PLD5: variants seen among roughly 807,000 people sequenced by gnomAD.
PLD5 encodes phospholipase D family member 5, also known as inactive phospholipase D5.
Under a neutral mutation model 61.1 loss-of-function variants are expected in PLD5, and 36 were observed. The ratio of observed to expected loss-of-function variants is 0.59; its 90% CI spans 0.45 to 0.78. PLD5 has a LOEUF of 0.78. PLD5 is among the 30% of genes least tolerant of loss of function. The pLI is 0.00. For missense variants in PLD5, 515 were observed against 644.4 expected (o/e 0.80, Z 2.17); for synonymous variants, 243 against 242.8 (o/e 1.00, Z -0.01).
At chr1:242,253,951 G>A (rs1462467940) in intron 4 of PLD5, among the ~76,000 whole-genome samples, 1 of 152,184 alleles carries the variant, frequency 6.6e-6, no homozygotes, top group African/African-American at 2.4e-5. Context: ...AACAGAGACG[G>A]AAAACACAGA....
chr1:242,090,110 C>A lies in PLD5; in HGVS notation c.1355G>T (p.Gly452Val). The stretch of plus-strand genomic sequence containing the variant: ...ATCATTCCCTACCCAATCAAAATTT[C>A]CTGCAAACAAACAAAGAAATAATGT... ...YMVTDGAAYI[G>V]NFDWVGNDFT... is the part of the protein sequence containing the mutation. The change falls in exon 10 of 10, where the codon GGA becomes GTA. Residue 452 changes from glycine (G) to valine (V), a missense_variant and splice_region_variant. Coordinates refer to ENST00000536534, the MANE Select transcript of PLD5 (RefSeq NM_001372062.1). 1.2e-6 allele frequency: 2 copies of A among 1,613,512 alleles called. No homozygotes were observed. Among genetic ancestry groups the A allele is most frequent in the Non-Finnish European group, 1.7e-6 (2 of 1,179,558 alleles).
chr1:242,341,120 A>G (rs1659807462), intron 2 of PLD5, among the ~76,000 whole-genome samples: 1 of 152,052 alleles, frequency 6.6e-6, no homozygotes, highest in Admixed American at 6.6e-5. Flanking sequence ...CCAAAAAGCA[A>G]GGCTGCTCTT....
chr1:242,210,039 C>T (rs1196110638), intron 5 of PLD5, among the ~76,000 whole-genome samples: 1 of 152,190 alleles, frequency 6.6e-6, no homozygotes, highest in Non-Finnish European at 1.5e-5. Context: ...AGGTGATCTG[C>T]CCGCCTCGGC....
intron 2 of PLD5, among the ~76,000 whole-genome samples, chr1:242,302,027 C>A (rs545696934): frequency 4.6e-5 from 7 of 152,290 alleles, no homozygotes; most frequent in African/African-American, 1.4e-4. Flanking sequence ...GTGATCCGCC[C>A]ACCTTGGTCT....
At chr1:242,332,970 G>A (rs779982557) in intron 2 of PLD5, among the ~76,000 whole-genome samples, 6 of 152,186 alleles carry the variant, frequency 3.9e-5, no homozygotes, top group Non-Finnish European at 5.9e-5. Context: ...TCTCCTGCAG[G>A]AGGGGTTGCC....
At chr1:242,340,316 G>A (rs1659756617) in intron 2 of PLD5, among the ~76,000 whole-genome samples, 1 of 152,000 alleles carries the variant, frequency 6.6e-6, no homozygotes, top group Non-Finnish European at 1.5e-5. Context: ...CAAATAAGGA[G>A]CCAAAACCAA....
chr1:242,449,770 G>A (rs1666705922), intron 1 of PLD5, among the ~76,000 whole-genome samples: 1 of 152,210 alleles, frequency 6.6e-6, no homozygotes, highest in African/African-American at 2.4e-5. Context: ...CCGTGCTGGT[G>A]TCCACACACC....
intron 3 of PLD5, among the ~76,000 whole-genome samples, chr1:242,273,903 G>A (rs765839910): frequency 2.0e-5 from 3 of 152,210 alleles, no homozygotes; most frequent in Non-Finnish European, 4.4e-5. Flanking sequence ...GGAGCTGGGA[G>A]AGCCGAGGAA....
chr1:242,287,405 T>C (rs930288617), intron 3 of PLD5, among the ~76,000 whole-genome samples: 4 of 152,244 alleles, frequency 2.6e-5, no homozygotes, highest in African/African-American at 7.2e-5. Context: ...TAAACTTTAG[T>C]AGAGATGGAA....
At chr1:242,486,674 C>T (rs1350479796) in intron 1 of PLD5, among the ~76,000 whole-genome samples, 1 of 152,102 alleles carries the variant, frequency 6.6e-6, no homozygotes, top group Non-Finnish European at 1.5e-5. Flanking sequence ...GGATCTAGAA[C>T]TAGAAATACC....
chr1:242,274,808 T>A (rs316908), intron 3 of PLD5, among the ~76,000 whole-genome samples: 85,790 of 151,952 alleles, frequency 0.56, 24,377 homozygotes, highest in African/African-American at 0.61. Flanking sequence ...GAGATGCTTT[T>A]TGTAATCAAG....
intron 5 of PLD5, among the ~76,000 whole-genome samples, chr1:242,189,479 G>C (rs1396522008): frequency 6.7e-6 from 1 of 149,152 alleles, no homozygotes; most frequent in Non-Finnish European, 1.5e-5. Context: ...GGATTTTAGA[G>C]CTCTGTCCAC....
intron 8 of PLD5, among the ~76,000 whole-genome samples, chr1:242,103,120 G>T (rs796535706): frequency 6.6e-6 from 1 of 152,100 alleles, no homozygotes; most frequent in South Asian, 2.1e-4. Flanking sequence ...GTACCATATG[G>T]TATACCAAAA....
intron 2 of PLD5, among the ~76,000 whole-genome samples, chr1:242,331,136 C>T (rs1470614511): frequency 6.6e-6 from 1 of 152,184 alleles, no homozygotes; most frequent in African/African-American, 2.4e-5. Flanking sequence ...ATGACATACA[C>T]TGGCACTGTG....
chr1:242,130,219 T>A (rs1447293952), intron 5 of PLD5, among the ~76,000 whole-genome samples: 2 of 152,136 alleles, frequency 1.3e-5, no homozygotes, highest in African/African-American at 4.8e-5. Context: ...ATGTAGCTGA[T>A]TTTTGTATTT....
chr1:242,416,893 A>T (rs998953307), intron 1 of PLD5, among the ~76,000 whole-genome samples: 5 of 152,320 alleles, frequency 3.3e-5, no homozygotes, highest in African/African-American at 1.2e-4. Context: ...ACATTCTTTC[A>T]TCCATTCAGT....
At chr1:242,285,506 T>G (rs1246291805) in intron 3 of PLD5, among the ~76,000 whole-genome samples, 1 of 151,608 alleles carries the variant, frequency 6.6e-6, no homozygotes, top group Admixed American at 6.6e-5. Context: ...TCAAAAAAAT[T>G]AATAAGTAAA....
chr1:242,103,613 C>T (rs145204158), intron 8 of PLD5, among the ~76,000 whole-genome samples: 400 of 152,352 alleles, frequency 2.6e-3, no homozygotes, highest in African/African-American at 9.3e-3. Context: ...ACTCCATTCT[C>T]CTGTGTCTCT....
chr1:242,182,372 G>T (rs537236), intron 5 of PLD5, among the ~76,000 whole-genome samples: 127,468 of 152,122 alleles, frequency 0.84, 53,882 homozygotes, highest in African/African-American at 0.95. Context: ...GTTTTAAGTG[G>T]TTTTGAAAAA....
Sources: allele counts gnomAD v4.1 joint callset (sites outside exome capture counted in the v4.1 genomes callset), GRCh38; gene constraint gnomAD v4.1.1; transcripts MANE v1.5; gene names NCBI Gene and HGNC (gene_info 2026-07-23, HGNC 2026-07-21).